Variants in TSPAN18 observed in about 807,000 individuals in gnomAD.
TSPAN18 encodes the protein tetraspanin-18.
In TSPAN18, 14 loss-of-function variants were observed where a neutral mutation model predicts 27.3. That is an observed-to-expected ratio of 0.51 (90% CI 0.34 to 0.80). The LOEUF (loss-of-function observed/expected upper bound fraction) is 0.80. Ranked by LOEUF, TSPAN18 falls within the 30% of genes least tolerant of loss-of-function variation. The pLI is 0.01. For synonymous variants in TSPAN18, 143 were observed against 136.5 expected, an observed-to-expected ratio of 1.05 and a Z score of -0.33; for missense variants, 268 against 323.9, an observed-to-expected ratio of 0.83 and a Z score of 1.32.
chr11:44,737,821 C>T (rs985250617), intron 1 of TSPAN18, among the ~76,000 whole-genome samples: 1 of 152,004 alleles, frequency 6.6e-6, no homozygotes, highest in Non-Finnish European at 1.5e-5. Context: ...TCTTTGTGAT[C>T]TTCCTCCCCT....
At chr11:44,897,652 G>T in intron 3 of TSPAN18, 2 of 660,592 alleles carry the variant, frequency 3.0e-6, no homozygotes, top group Non-Finnish European at 4.7e-6. Context: ...TGCCCCGAGT[G>T]TGTGTATCTG....
intron 2 of TSPAN18, among the ~76,000 whole-genome samples, chr11:44,813,697 A>AGCT (rs938712873): frequency 2.6e-5 from 4 of 152,342 alleles, no homozygotes; most frequent in African/African-American, 9.6e-5. Context: ...CCAGGGTCCC[A>AGCT]GCTGCATGCA....
intron 4 of TSPAN18, among the ~76,000 whole-genome samples, chr11:44,907,588 C>A (rs960859943): frequency 9.9e-5 from 15 of 152,204 alleles, no homozygotes; most frequent in Admixed American, 9.2e-4. Flanking sequence ...AAGGTCACCA[C>A]CTTCCAAGCC....
intron 3 of TSPAN18, among the ~76,000 whole-genome samples, chr11:44,887,808 G>A (rs1257963643): frequency 1.3e-5 from 2 of 152,176 alleles, no homozygotes; most frequent in Non-Finnish European, 1.5e-5. Flanking sequence ...GCTGGCAGGA[G>A]TACCCAGCGC....
chr11:44,871,467 A>G (rs1361805584), intron 3 of TSPAN18, among the ~76,000 whole-genome samples: 2 of 152,102 alleles, frequency 1.3e-5, no homozygotes, highest in African/African-American at 4.8e-5. Context: ...GGGGGACACA[A>G]ACATTCAGTC....
intron 6 of TSPAN18, among the ~76,000 whole-genome samples, 155 bp from the exon 7 acceptor site, chr11:44,919,059 G>T (rs1860025064): frequency 6.6e-6 from 1 of 151,830 alleles, no homozygotes; most frequent in South Asian, 2.1e-4. Flanking sequence ...GCCCCAAGTT[G>T]GTGGTTTAGG....
chr11:44,759,174 G>GA (rs1855395979), intron 1 of TSPAN18, among the ~76,000 whole-genome samples: 1 of 152,212 alleles, frequency 6.6e-6, no homozygotes, highest in South Asian at 2.1e-4. Context: ...CTGCATACTG[G>GA]AGCTTGGCTT....
chr11:44,797,360 G>A (rs770964407), intron 2 of TSPAN18, among the ~76,000 whole-genome samples: 6 of 152,184 alleles, frequency 3.9e-5, no homozygotes, highest in Non-Finnish European at 5.9e-5. Context: ...GGGAATAGAA[G>A]AGGCTGAGAG....
intron 7 of TSPAN18, chr11:44,919,536 T>A (rs1860045341): frequency 1.6e-6 from 1 of 612,756 alleles, no homozygotes; most frequent in Non-Finnish European, 2.9e-6. Flanking sequence ...CCCCAAGCAA[T>A]GGTCATTATG....
chr11:44,868,302 G>A (rs1342018902), intron 3 of TSPAN18, among the ~76,000 whole-genome samples: 1 of 152,172 alleles, frequency 6.6e-6, no homozygotes, highest in African/African-American at 2.4e-5. Flanking sequence ...TTATCTTTTT[G>A]GGGATAGAGA....
chr11:44,787,468 T>G (rs1223489737), intron 2 of TSPAN18, among the ~76,000 whole-genome samples: 1 of 152,216 alleles, frequency 6.6e-6, no homozygotes, highest in Non-Finnish European at 1.5e-5. Flanking sequence ...CAACTCAGTG[T>G]GCTGGCATTG....
chr11:44,866,476 T>G (rs1351326822), intron 3 of TSPAN18, among the ~76,000 whole-genome samples: 1 of 152,210 alleles, frequency 6.6e-6, no homozygotes, highest in East Asian at 1.9e-4. Context: ...CAGGGTCTAA[T>G]GAGGCCAGGT....
intron 2 of TSPAN18, among the ~76,000 whole-genome samples, chr11:44,840,072 A>G (rs1857341092): frequency 6.6e-6 from 1 of 152,182 alleles, no homozygotes; most frequent in African/African-American, 2.4e-5. Context: ...TCTGCGCAAA[A>G]CCAATGTGCT....
chr11:44,863,926 C>A (rs1309900993), intron 3 of TSPAN18, among the ~76,000 whole-genome samples: 1 of 152,112 alleles, frequency 6.6e-6, no homozygotes, highest in Non-Finnish European at 1.5e-5. Flanking sequence ...ATTTATATTT[C>A]AATCATATTA....
chr11:44,750,606 A>C (rs4755886), intron 1 of TSPAN18, among the ~76,000 whole-genome samples: 1 of 126,408 alleles, frequency 7.9e-6, no homozygotes, highest in African/African-American at 3.0e-5. Context: ...CCCCACATCA[A>C]TTTGGTGTTC....
intron 2 of TSPAN18, among the ~76,000 whole-genome samples, chr11:44,805,775 C>T (rs1016054382): frequency 3.9e-5 from 6 of 152,138 alleles, no homozygotes; most frequent in Non-Finnish European, 7.4e-5. Flanking sequence ...CTCCTCACCT[C>T]TTCAGCTTCT....
chr11:44,792,435 C>G (rs1856249443), intron 2 of TSPAN18, among the ~76,000 whole-genome samples: 1 of 152,102 alleles, frequency 6.6e-6, no homozygotes, highest in South Asian at 2.1e-4. Context: ...GCGGGGGTGG[C>G]CAGGGAAGGT....
At chr11:44,796,737 G>A (rs529491683) in intron 2 of TSPAN18, among the ~76,000 whole-genome samples, 1 of 152,238 alleles carries the variant, frequency 6.6e-6, no homozygotes, top group South Asian at 2.1e-4. Flanking sequence ...GGGCCAGCCT[G>A]AGCCTACCCA....
intron 1 of TSPAN18, among the ~76,000 whole-genome samples, chr11:44,728,545 G>A (rs2134781395): frequency 6.6e-6 from 1 of 152,186 alleles, no homozygotes; most frequent in Admixed American, 6.5e-5. Flanking sequence ...GTGGGGGATG[G>A]GGCCTTAAAG....
Sources: allele counts gnomAD v4.1 joint callset (sites outside exome capture counted in the v4.1 genomes callset), GRCh38; gene constraint gnomAD v4.1.1; transcripts MANE v1.5; gene names NCBI Gene and HGNC (gene_info 2026-07-23, HGNC 2026-07-21).